NAV3: variants seen among roughly 807,000 people sequenced by gnomAD.
NAV3 encodes neuron navigator 3.
NAV3 carries 87 observed loss-of-function variants against 244.7 expected under a neutral mutation model. That is an observed-to-expected ratio of 0.36 (90% CI 0.30 to 0.42). The LOEUF (loss-of-function observed/expected upper bound fraction) is 0.42. Among genes scored for constraint, NAV3 ranks in the 20% least tolerant of loss-of-function variants. The pLI is 1.00. For missense variants in NAV3, 2,663 were observed against 2,893.3 expected (o/e 0.92, Z 1.83); for synonymous variants, 1,126 against 1,042.2 (o/e 1.08, Z -1.55).
intron 5 of NAV3, among the ~76,000 whole-genome samples, chr12:77,981,320 C>A (rs940821187): frequency 6.6e-6 from 1 of 152,100 alleles, no homozygotes; most frequent in Non-Finnish European, 1.5e-5. Flanking sequence ...TTTCTTAGTG[C>A]TAATAGCATG....
At chr12:77,640,262 A>T (rs930813678) in intron 2 of NAV3, among the ~76,000 whole-genome samples, 3 of 152,108 alleles carry the variant, frequency 2.0e-5, no homozygotes, top group African/African-American at 4.8e-5. Flanking sequence ...GGAGAGAGAG[A>T]GTGTGTGTAA....
chr12:77,954,198 T>G (rs1891155491), intron 3 of NAV3, among the ~76,000 whole-genome samples: 1 of 152,198 alleles, frequency 6.6e-6, no homozygotes, highest in Non-Finnish European at 1.5e-5. Flanking sequence ...CAAGTGGATT[T>G]TTGCATACCC....
intron 2 of NAV3, among the ~76,000 whole-genome samples, chr12:77,580,219 AACACACACAC>A (rs59671759): frequency 2.0e-4 from 29 of 145,486 alleles, no homozygotes; most frequent in African/African-American, 5.2e-4. Flanking sequence ...GTAGGGTGGG[AACACACACAC>A]ACACACACAC....
chr12:78,054,505 G>A (rs896764619), intron 11 of NAV3, among the ~76,000 whole-genome samples: 1 of 152,136 alleles, frequency 6.6e-6, no homozygotes, highest in Non-Finnish European at 1.5e-5. Flanking sequence ...GCTTTTGAAG[G>A]CCACTTTATG....
intron 38 of NAV3, among the ~76,000 whole-genome samples, chr12:78,203,341 C>T (rs1044257745): frequency 9.9e-5 from 15 of 152,064 alleles, no homozygotes; most frequent in African/African-American, 3.6e-4. Flanking sequence ...AAGAATTATA[C>T]ATGTTTTTCT....
At chr12:77,771,347 T>A (rs1351601735) in intron 2 of NAV3, among the ~76,000 whole-genome samples, 3 of 152,182 alleles carry the variant, frequency 2.0e-5, no homozygotes, top group Non-Finnish European at 2.9e-5. Flanking sequence ...ATTGTGGAAG[T>A]CAGTGTGGCG....
intron 12 of NAV3, among the ~76,000 whole-genome samples, chr12:78,096,855 T>C (rs1300430005): frequency 2.0e-5 from 3 of 152,180 alleles, no homozygotes; most frequent in Admixed American, 2.0e-4. Flanking sequence ...TTCCAGTTAC[T>C]GTAACTCCTC....
intron 2 of NAV3, among the ~76,000 whole-genome samples, chr12:77,799,253 T>A (rs1871580392): frequency 6.6e-6 from 1 of 152,160 alleles, no homozygotes; most frequent in Non-Finnish European, 1.5e-5. Context: ...TAGGAGAAAA[T>A]ACTTATTGGG....
intron 1 of NAV3, among the ~76,000 whole-genome samples, chr12:77,904,141 C>G (rs1325317546): frequency 6.6e-6 from 1 of 152,214 alleles, no homozygotes; most frequent in Non-Finnish European, 1.5e-5. Context: ...CATCCCATTA[C>G]TGGGTATATA....
chr12:77,947,668 G>A (rs183412165), intron 3 of NAV3: 35 of 151,966 alleles, frequency 2.3e-4, no homozygotes, highest in Admixed American at 1.2e-3. Context: ...TACAAGTAGA[G>A]TTCTGATCTA....
chr12:77,776,711 A>C (rs151181047), intron 2 of NAV3, among the ~76,000 whole-genome samples: 1 of 152,310 alleles, frequency 6.6e-6, no homozygotes, highest in African/African-American at 2.4e-5. Context: ...ACACTACTCA[A>C]ACCATGATTA....
chr12:77,973,319 T>C (rs1893159766), intron 5 of NAV3, among the ~76,000 whole-genome samples: 1 of 152,080 alleles, frequency 6.6e-6, no homozygotes, highest in African/African-American at 2.4e-5. Flanking sequence ...ATTACATAGA[T>C]AGATGATAGA....
intron 12 of NAV3, among the ~76,000 whole-genome samples, chr12:78,114,749 GATGTA>G (rs1212914576): frequency 1.3e-5 from 2 of 152,160 alleles, no homozygotes; most frequent in African/African-American, 4.8e-5. Context: ...ATCAAATTAA[GATGTA>G]GGGAAGGTTT....
At chr12:77,750,893 G>A (rs1592646748) in intron 2 of NAV3, among the ~76,000 whole-genome samples, 1 of 152,202 alleles carries the variant, frequency 6.6e-6, no homozygotes, top group Non-Finnish European at 1.5e-5. Flanking sequence ...TAACAGAATG[G>A]CAGTTTTTAA....
intron 2 of NAV3, among the ~76,000 whole-genome samples, chr12:77,696,654 A>C (rs547505074): frequency 2.0e-5 from 3 of 152,184 alleles, no homozygotes; most frequent in Non-Finnish European, 4.4e-5. Context: ...AAGCTGCCAC[A>C]TATAACTAAT....
intron 12 of NAV3, among the ~76,000 whole-genome samples, chr12:78,106,439 T>C (rs1472568449): frequency 1.3e-5 from 2 of 152,208 alleles, no homozygotes; most frequent in South Asian, 2.1e-4. Flanking sequence ...TGTGAAGAGA[T>C]ACTCATTTGT....
At chr12:77,750,952 A>G (rs1868821615) in intron 2 of NAV3, among the ~76,000 whole-genome samples, 1 of 152,136 alleles carries the variant, frequency 6.6e-6, no homozygotes, top group Non-Finnish European at 1.5e-5. Flanking sequence ...TGGCTACAAG[A>G]CTTATTCTTA....
intron 7 of NAV3, among the ~76,000 whole-genome samples, chr12:78,004,118 T>C (rs535432230): frequency 2.6e-5 from 4 of 152,238 alleles, no homozygotes; most frequent in African/African-American, 4.8e-5. Context: ...GATTTTGTTT[T>C]TTCTAAGTTT....
At chr12:77,692,082 G>A (rs1488719419) in intron 2 of NAV3, among the ~76,000 whole-genome samples, 2 of 151,968 alleles carry the variant, frequency 1.3e-5, no homozygotes, top group Admixed American at 6.6e-5. Context: ...TGATTCTAGT[G>A]TACAACCAAG....
Sources: allele counts gnomAD v4.1 joint callset (sites outside exome capture counted in the v4.1 genomes callset), GRCh38; gene constraint gnomAD v4.1.1; transcripts MANE v1.5; gene names NCBI Gene and HGNC (gene_info 2026-07-23, HGNC 2026-07-21).